The following THSD7A variants were observed in gnomAD, a reference collection of about 807,000 sequenced individuals.
THSD7A encodes the protein thrombospondin type 1 domain containing 7A.
Under a neutral mutation model 231.3 loss-of-function variants are expected in THSD7A, and 96 were observed. The ratio of observed to expected loss-of-function variants is 0.41; its 90% CI spans 0.35 to 0.49. THSD7A has a LOEUF of 0.49. Among genes scored for constraint, THSD7A ranks in the 20% least tolerant of loss-of-function variants. The pLI is 0.05. For missense variants in THSD7A, 2,290 were observed against 2,070.2 expected (o/e 1.11, Z -2.06); for synonymous variants, 940 against 743.3 (o/e 1.26, Z -4.30).
In THSD7A at chr7:11,562,723, AT is replaced by A. The variant is rs1278884703; in HGVS notation, c.1454-19607del. Among the ~76,000 whole-genome samples, 8 of 151,908 alleles carry A rather than the reference AT, an allele frequency of 5.3e-5. No individual in the cohort carries two copies. In the South Asian group the frequency reaches 1.7e-3, roughly 32 times the overall value. On this transcript the variant is annotated intron_variant, in intron 4 of 27. Transcript: ENST00000423059. The stretch of plus-strand genomic sequence containing the variant: ...ACAAATGGCTTTCTGTTCCCTTTTT[AT>A]TTTTTTTAAATTTTTTTCAGTAAGT...
chr7:11,533,221 C>T (rs1487873770), intron 6 of THSD7A, among the ~76,000 whole-genome samples: 1 of 152,156 alleles, frequency 6.6e-6, no homozygotes, highest in Admixed American at 6.6e-5. Context: ...AAAATGTCCT[C>T]TGGCCTAATT....
intron 23 of THSD7A, among the ~76,000 whole-genome samples, chr7:11,387,515 T>C (rs1015863956): frequency 6.6e-6 from 1 of 152,150 alleles, no homozygotes; most frequent in African/African-American, 2.4e-5. Flanking sequence ...TGTTTTTCTG[T>C]TATTGGTTTA....
intron 1 of THSD7A, among the ~76,000 whole-genome samples, chr7:11,729,532 T>C (rs962023605): frequency 6.6e-6 from 1 of 151,776 alleles, no homozygotes; most frequent in Admixed American, 6.6e-5. Flanking sequence ...AAAAACACGA[T>C]CTATACTAAA....
At chr7:11,398,611 C>T (rs955967046) in intron 23 of THSD7A, among the ~76,000 whole-genome samples, 8 of 152,036 alleles carry the variant, frequency 5.3e-5, no homozygotes, top group African/African-American at 1.2e-4. Flanking sequence ...AAAGATTTCA[C>T]GTAAGTAGGA....
chr7:11,706,350 T>C (rs1780765242), intron 1 of THSD7A, among the ~76,000 whole-genome samples: 1 of 150,916 alleles, frequency 6.6e-6, no homozygotes. Flanking sequence ...AATGACTATG[T>C]CAAGGAAATA....
At chr7:11,492,061 C>T (rs1033178426) in intron 6 of THSD7A, among the ~76,000 whole-genome samples, 5 of 152,006 alleles carry the variant, frequency 3.3e-5, no homozygotes, top group African/African-American at 9.7e-5. Flanking sequence ...CTCTGTGGTT[C>T]TCCTGATCAA....
At chr7:11,745,810 G>T (rs1282649008) in intron 1 of THSD7A, among the ~76,000 whole-genome samples, 3 of 152,018 alleles carry the variant, frequency 2.0e-5, no homozygotes, top group Non-Finnish European at 4.4e-5. Context: ...CTATATCTCT[G>T]TTTTGGTACC....
chr7:11,383,222 T>C (rs1322294727), intron 23 of THSD7A, among the ~76,000 whole-genome samples: 4 of 152,008 alleles, frequency 2.6e-5, no homozygotes, highest in Non-Finnish European at 5.9e-5. Flanking sequence ...AAATGTATCC[T>C]ATTCTGTGTA....
chr7:11,710,719 CAA>C (rs902457066), intron 1 of THSD7A, among the ~76,000 whole-genome samples: 1 of 150,636 alleles, frequency 6.6e-6, no homozygotes, highest in Admixed American at 6.6e-5. Context: ...TCCAAGAAAC[CAA>C]AAAAATTTTT....
chr7:11,770,725 A>G (rs1783193410), intron 1 of THSD7A, among the ~76,000 whole-genome samples: 1 of 152,182 alleles, frequency 6.6e-6, no homozygotes, highest in African/African-American at 2.4e-5. Context: ...TGAGAAAACT[A>G]TGCAAAAAAA....
chr7:11,447,533 T>C (rs1263350295), intron 11 of THSD7A, 109 bp from the exon 12 acceptor site: 1 of 878,084 alleles, frequency 1.1e-6, no homozygotes, highest in East Asian at 2.9e-5. Context: ...CCTCTTGTAG[T>C]TCCTTACTTA....
At position 11,372,691 on chromosome 7, in the gene THSD7A, A is replaced by AG. The variant is rs894873626; in HGVS notation, c.*3102dup. 1 of 152,066 alleles carries AG rather than the reference A, an allele frequency of 6.6e-6. No homozygotes were observed. The highest frequency in any genetic ancestry group is 2.4e-5 in the African/African-American group (1 of 41,430). The allele number at this position is 152,066 out of a possible 1,614,324, so 9.4% of individuals were successfully genotyped here. On this transcript the variant is annotated 3_prime_UTR_variant, in exon 28 of 28. Transcript: ENST00000423059. ...AAACCAAACAACAGACCTTCATTCTAGGGAACAGCAGTTCTACATCTTTTA... is the reference window on the plus strand; with the variant it reads ...AAACCAAACAACAGACCTTCATTCTAGGGGAACAGCAGTTCTACATCTTTTA...
At chr7:11,699,898 G>A (rs1202959198) in intron 1 of THSD7A, among the ~76,000 whole-genome samples, 3 of 151,118 alleles carry the variant, frequency 2.0e-5, no homozygotes, top group South Asian at 2.1e-4. Context: ...ACACATAGAT[G>A]GTTTCTCTGT....
intron 23 of THSD7A, among the ~76,000 whole-genome samples, chr7:11,396,649 A>G (rs1055318888): frequency 2.6e-5 from 4 of 152,152 alleles, no homozygotes; most frequent in African/African-American, 7.2e-5. Flanking sequence ...TAGCCTACCA[A>G]CCACAAAAAG....
intron 9 of THSD7A, among the ~76,000 whole-genome samples, chr7:11,464,106 T>C (rs1361263504): frequency 6.6e-6 from 1 of 152,178 alleles, no homozygotes; most frequent in Non-Finnish European, 1.5e-5. Context: ...GGATTTGCCC[T>C]TCTTTTACAA....
intron 6 of THSD7A, among the ~76,000 whole-genome samples, chr7:11,530,206 A>G (rs1447931611): frequency 1.3e-5 from 2 of 152,194 alleles, no homozygotes; most frequent in African/African-American, 4.8e-5. Flanking sequence ...CTATGAAAAT[A>G]CAGGAGCTAT....
chr7:11,418,803 A>G (rs1784045539), intron 16 of THSD7A, among the ~76,000 whole-genome samples: 1 of 152,182 alleles, frequency 6.6e-6, no homozygotes, highest in South Asian at 2.1e-4. Flanking sequence ...AAAAATACCC[A>G]AACAAATACC....
intron 6 of THSD7A, among the ~76,000 whole-genome samples, chr7:11,489,145 A>G (rs1319345094): frequency 1.3e-5 from 2 of 152,118 alleles, no homozygotes; most frequent in Non-Finnish European, 2.9e-5. Context: ...TCCTTGGTGT[A>G]GTCACTGTTA....
intron 3 of THSD7A, among the ~76,000 whole-genome samples, chr7:11,591,942 G>A (rs984800179): frequency 2.6e-5 from 4 of 152,150 alleles, no homozygotes; most frequent in African/African-American, 4.8e-5. Flanking sequence ...TATGAAAAAT[G>A]CTTCCCCCCA....
Sources: gnomAD v4.1 joint callset for allele counts (sites outside exome capture counted in the v4.1 genomes callset) on GRCh38, gnomAD v4.1.1 for gene constraint, MANE v1.5 for transcripts, NCBI Gene and HGNC (gene_info 2026-07-23, HGNC 2026-07-21) for gene names.